The following RMDN2 variants were observed in gnomAD, a reference collection of about 807,000 sequenced individuals.
RMDN2 encodes regulator of microtubule dynamics protein 2.
RMDN2 carries 61 observed loss-of-function variants against 52.8 expected under a neutral mutation model. The ratio of observed to expected loss-of-function variants is 1.16; its 90% CI spans 0.94 to 1.43. The LOEUF is 1.43. Ranked by LOEUF, RMDN2 falls within the 40% of genes most tolerant of loss-of-function variation. The pLI is 0.00. For synonymous variants in RMDN2, 180 were observed against 153.1 expected, an observed-to-expected ratio of 1.18 and a Z score of -1.30; for missense variants, 592 against 475.3, an observed-to-expected ratio of 1.25 and a Z score of -2.28.
At chr2:37,998,527 A>G (rs1988) in intron 8 of RMDN2, among the ~76,000 whole-genome samples, 46,574 of 151,920 alleles carry the variant, frequency 0.31, 7,807 homozygotes, top group East Asian at 0.67. Flanking sequence ...CCTTATCTCA[A>G]AAATAATAAT....
In RMDN2 at chr2:38,017,593, AT is replaced by A. The variant is rs1678981194; in HGVS notation, c.*355del. On this transcript the variant is annotated 3_prime_UTR_variant, in exon 11 of 11. Transcript: ENST00000354545. ...TTCAATGGAGACTTCGTAAGACAAA[AT>A]AATTTCATTAATGTGGATGAAAAAT... 8.9e-6 allele frequency: 11 copies of A among 1,229,440 alleles called. No homozygotes were observed. Among genetic ancestry groups the A allele is most frequent in the Non-Finnish European group, 1.1e-5 (10 of 933,230 alleles). The allele number at this position is 1,229,440 out of a possible 1,614,324, so 76.2% of individuals were successfully genotyped here. A position where few individuals can be genotyped will look rare whatever the true frequency, so the allele number is the denominator to read the frequency against.
At chr2:38,030,544 G>C (rs900127556) in intron 10 of RMDN2, 8 of 152,194 alleles carry the variant, frequency 5.3e-5, no homozygotes, top group Admixed American at 1.3e-4. Context: ...AGTCCATATA[G>C]TGAAAGCACA....
chr2:38,028,255 A>G (rs976449067), intron 10 of RMDN2: 2 of 152,252 alleles, frequency 1.3e-5, no homozygotes, highest in Non-Finnish European at 2.9e-5. Flanking sequence ...TTAGAATGCA[A>G]AAGACAGCAT....
At chr2:37,932,037 A>G (rs1287594486) in intron 2 of RMDN2, among the ~76,000 whole-genome samples, 1 of 152,176 alleles carries the variant, frequency 6.6e-6, no homozygotes, top group African/African-American at 2.4e-5. Context: ...GGAATAAGAT[A>G]CAAAAAATTT....
intron 2 of RMDN2, among the ~76,000 whole-genome samples, chr2:37,932,954 G>T (rs1423739260): frequency 6.6e-6 from 1 of 151,542 alleles, no homozygotes; most frequent in Admixed American, 6.6e-5. Context: ...TGGCTGCCGG[G>T]CGGAGACGCT....
At chr2:38,022,555 T>G (rs1292713365), downstream of RMDN2, among the ~76,000 whole-genome samples, 3 of 152,222 alleles carry the variant, frequency 2.0e-5, no homozygotes, top group African/African-American at 7.2e-5. Context: ...ACCCAAACTT[T>G]GAATATGCTT....
At chr2:37,981,559 T>A (rs978219376) in intron 5 of RMDN2, among the ~76,000 whole-genome samples, 1 of 152,204 alleles carries the variant, frequency 6.6e-6, no homozygotes, top group African/African-American at 2.4e-5. Flanking sequence ...TATTGAAAAA[T>A]TATTGAATGA....
chr2:38,051,433 A>G (rs908339428), intron 10 of RMDN2, among the ~76,000 whole-genome samples: 1 of 152,128 alleles, frequency 6.6e-6, no homozygotes. Context: ...GTACATATTT[A>G]TGGGGTACAT....
intron 2 of RMDN2, among the ~76,000 whole-genome samples, chr2:37,964,098 C>T (rs1050894513): frequency 1.6e-4 from 24 of 151,516 alleles, no homozygotes; most frequent in Non-Finnish European, 3.0e-4. Flanking sequence ...ACTTCCCAGA[C>T]GGGGCGGCTG....
At chr2:38,028,406 C>T (rs768531095) in intron 10 of RMDN2, among the ~76,000 whole-genome samples, 87 of 152,136 alleles carry the variant, frequency 5.7e-4, no homozygotes, top group Non-Finnish European at 1.2e-3. Context: ...CATTGTATGG[C>T]ATTAATTTTA....
chr2:37,944,738 C>A (rs1393665741), intron 2 of RMDN2, among the ~76,000 whole-genome samples: 2 of 152,062 alleles, frequency 1.3e-5, no homozygotes, highest in African/African-American at 4.8e-5. Context: ...ACACTTATTT[C>A]AAGGAACTTG....
At chr2:38,056,260 G>T (rs1681852164) in intron 10 of RMDN2, among the ~76,000 whole-genome samples, 1 of 152,098 alleles carries the variant, frequency 6.6e-6, no homozygotes, top group Non-Finnish European at 1.5e-5. Context: ...AAGCATCTAG[G>T]CCCAGCTCAT....
chr2:37,928,555 A>T (rs916862148), intron 1 of RMDN2, among the ~76,000 whole-genome samples: 2 of 152,168 alleles, frequency 1.3e-5, no homozygotes, highest in African/African-American at 4.8e-5. Flanking sequence ...CCTATCTTAG[A>T]ACAGTGAAGC....
upstream of RMDN2, among the ~76,000 whole-genome samples, chr2:37,921,174 G>C (rs1666019443): frequency 6.6e-6 from 1 of 152,064 alleles, no homozygotes; most frequent in Admixed American, 6.5e-5. Context: ...AATTTGTTCA[G>C]TATAGGAGTA....
intron 2 of RMDN2, among the ~76,000 whole-genome samples, chr2:37,953,604 TG>T (rs1669106748): frequency 6.6e-6 from 1 of 152,054 alleles, no homozygotes; most frequent in African/African-American, 2.4e-5. Flanking sequence ...GTGGACAATT[TG>T]GGTCACTTCC....
intron 2 of RMDN2, among the ~76,000 whole-genome samples, chr2:37,959,955 T>TCC (rs1447668439): frequency 0.01 from 1,540 of 149,226 alleles, 42 homozygotes; most frequent in African/African-American, 0.038. Context: ...GTTGTGCAGT[T>TCC]TTGAGTGAGT....
upstream of RMDN2, among the ~76,000 whole-genome samples, chr2:37,921,306 G>T (rs576809080): frequency 3.2e-4 from 49 of 152,260 alleles, no homozygotes; most frequent in African/African-American, 1.1e-3. Context: ...TTTTACCTTA[G>T]AAAGTCCAAG....
At chr2:38,044,676 C>T (rs2125292862) in intron 10 of RMDN2, among the ~76,000 whole-genome samples, 1 of 152,034 alleles carries the variant, frequency 6.6e-6, no homozygotes, top group African/African-American at 2.4e-5. Context: ...GTTCACTCTG[C>T]TGATGAACTA....
intron 10 of RMDN2, among the ~76,000 whole-genome samples, chr2:38,028,621 T>G (rs1211250460): frequency 1.3e-5 from 2 of 152,074 alleles, no homozygotes; most frequent in African/African-American, 4.8e-5. Flanking sequence ...TCGAGCCCAT[T>G]AAGCTGGGTG....
Sources: gnomAD v4.1 joint callset for allele counts (sites outside exome capture counted in the v4.1 genomes callset) on GRCh38, gnomAD v4.1.1 for gene constraint, MANE v1.5 for transcripts, NCBI Gene and HGNC (gene_info 2026-07-23, HGNC 2026-07-21) for gene names.